Variants in SGCE observed in about 807,000 individuals in gnomAD.
SGCE encodes sarcoglycan epsilon, also known as epsilon-sarcoglycan.
A neutral mutation model predicts 57.8 loss-of-function variants in SGCE; 26 were observed. That is an observed-to-expected ratio of 0.45 (90% CI 0.33 to 0.62). The LOEUF is 0.62. Ranked by LOEUF, SGCE falls within the 20% of genes least tolerant of loss-of-function variation. The pLI, the probability that SGCE is intolerant of heterozygous loss-of-function variation, is 0.02. For synonymous variants in SGCE, 183 were observed against 189.5 expected, an observed-to-expected ratio of 0.97 and a Z score of 0.28; for missense variants, 468 against 548.6, an observed-to-expected ratio of 0.85 and a Z score of 1.47.
Position 94,599,896 on chromosome 7 carries a change from C to T in SGCE, c.1038-173G>A, listed in dbSNP as rs1312717495. The T allele has an allele frequency of 7.0e-6, 4 of 575,106 alleles. No homozygotes were observed. In the Admixed American group the frequency reaches 8.5e-5, roughly 12 times the overall value. The allele number at this position is 575,106 out of a possible 1,614,324, so 35.6% of individuals were successfully genotyped here. A position where few individuals can be genotyped will look rare whatever the true frequency, so the allele number is the denominator to read the frequency against. On this transcript the variant is annotated intron_variant, in intron 7 of 10. Coordinates refer to ENST00000648936, the MANE Select transcript of SGCE (RefSeq NM_003919.3). ...GACATTGCTTGGATGAGTACACATA[C>T]AGCGATGGAATACTGATGAGAAACA... is the stretch of plus-strand genomic sequence containing the variant.
intron 1 of SGCE, among the ~76,000 whole-genome samples, chr7:94,653,780 A>G (rs947491894): frequency 2.1e-4 from 32 of 152,128 alleles, no homozygotes; most frequent in African/African-American, 7.7e-4. Flanking sequence ...AAAAACTACA[A>G]TATGTTAGAA....
In SGCE at chr7:94,585,016, AAAC is replaced by A. The variant is rs1796735211; in HGVS notation, c.*480_*482del. 1 of 155,140 alleles carries A rather than the reference AAAC, an allele frequency of 6.4e-6. No homozygotes were observed. The highest frequency in any genetic ancestry group is 2.4e-5 in the African/African-American group (1 of 41,502). 9.6% of individuals were successfully genotyped at this position (155,140 alleles called of 1,614,324 possible). ...CGAAAACACTCCCAAGTGGTATATAAAACAACAGGATTTACAGGCCACAAGAGT... is the reference window on the plus strand; with the variant it reads ...CGAAAACACTCCCAAGTGGTATATAAAACAGGATTTACAGGCCACAAGAGT... On this transcript the variant is annotated 3_prime_UTR_variant, in exon 11 of 11. Transcript: ENST00000648936.
At chr7:94,603,885 T>G (rs1384582428) in intron 5 of SGCE, among the ~76,000 whole-genome samples, 1 of 152,128 alleles carries the variant, frequency 6.6e-6, no homozygotes, top group African/African-American at 2.4e-5. Context: ...CTTAATTTTC[T>G]TGTAATAAAA....
chr7:94,651,513 C>A (rs551023880), intron 1 of SGCE, among the ~76,000 whole-genome samples: 1 of 152,344 alleles, frequency 6.6e-6, no homozygotes, highest in East Asian at 1.9e-4. Context: ...AATCTGCACA[C>A]CACCTCATAC....
chr7:94,643,776 A>T (rs1384499434), intron 1 of SGCE, among the ~76,000 whole-genome samples: 1 of 152,218 alleles, frequency 6.6e-6, no homozygotes. Flanking sequence ...ACAAGTACAG[A>T]ATACTCATTG....
At chr7:94,643,739 T>C (rs1282133782) in intron 1 of SGCE, among the ~76,000 whole-genome samples, 1 of 152,222 alleles carries the variant, frequency 6.6e-6, no homozygotes, top group African/African-American at 2.4e-5. Flanking sequence ...ACTTCTTGTA[T>C]AGAAAAGTAT....
At chr7:94,639,299 T>A in intron 1 of SGCE, 1 of 1,193,984 alleles carries the variant, frequency 8.4e-7, no homozygotes. Flanking sequence ...AGACATTTAA[T>A]TGGCTCCCCC....
intron 5 of SGCE, chr7:94,618,485 T>C (rs1351933862): frequency 5.7e-6 from 2 of 349,944 alleles, no homozygotes; most frequent in East Asian, 1.1e-4. Flanking sequence ...AATCAGCTTC[T>C]TAATGGAAGG....
intron 3 of SGCE, 185 bp downstream of exon 3, chr7:94,628,017 A>G (rs950642163): frequency 1.9e-6 from 1 of 535,864 alleles, no homozygotes; most frequent in South Asian, 2.8e-5. Context: ...TGAAACAAAA[A>G]CTTTATAAAC....
chr7:94,621,762 A>G (rs1802825676), intron 4 of SGCE: 1 of 152,218 alleles, frequency 6.6e-6, no homozygotes, highest in Non-Finnish European at 1.5e-5. Flanking sequence ...TTCCAATTCT[A>G]CAGGGCCAGC....
chr7:94,591,088 G>A (rs960149789), intron 9 of SGCE, among the ~76,000 whole-genome samples: 2 of 152,156 alleles, frequency 1.3e-5, no homozygotes, highest in East Asian at 3.8e-4. Flanking sequence ...CCTTATCCTT[G>A]TGTAGGCTAG....
chr7:94,653,248 C>T (rs908530240), intron 1 of SGCE, among the ~76,000 whole-genome samples: 1 of 152,058 alleles, frequency 6.6e-6, no homozygotes, highest in Non-Finnish European at 1.5e-5. Context: ...AGTGAAAATC[C>T]CACTTTGTTT....
intron 4 of SGCE, chr7:94,619,281 G>A: frequency 4.9e-6 from 1 of 203,166 alleles, no homozygotes. Context: ...GATCTTTTGG[G>A]GAGCATGCTA....
chr7:94,595,738 G>A (rs1562794588), intron 9 of SGCE, among the ~76,000 whole-genome samples: 1 of 152,096 alleles, frequency 6.6e-6, no homozygotes, highest in Non-Finnish European at 1.5e-5. Flanking sequence ...ATAAAGGACA[G>A]CTATGATGAA....
At chr7:94,592,932 G>C (rs765563062) in intron 9 of SGCE, among the ~76,000 whole-genome samples, 27 of 152,054 alleles carry the variant, frequency 1.8e-4, no homozygotes, top group Non-Finnish European at 3.5e-4. Flanking sequence ...TTAACAATAA[G>C]AAATAGTTAT....
At chr7:94,588,091 A>T (rs1797148060) in intron 10 of SGCE, 4 of 1,223,022 alleles carry the variant, frequency 3.3e-6, no homozygotes, top group Non-Finnish European at 4.1e-6. Context: ...CTCAGTATAG[A>T]GATGAATGAA....
chr7:94,650,079 GCCT>G (rs1265810803), intron 1 of SGCE, among the ~76,000 whole-genome samples: 41 of 152,304 alleles, frequency 2.7e-4, no homozygotes, highest in African/African-American at 9.1e-4. Context: ...AGAAAAATCT[GCCT>G]CAAGACATGT....
At chr7:94,631,198 C>A (rs1166715987) in intron 1 of SGCE, among the ~76,000 whole-genome samples, 1 of 151,942 alleles carries the variant, frequency 6.6e-6, no homozygotes, top group Non-Finnish European at 1.5e-5. Context: ...CAGTACCCAA[C>A]TTCTACTCAA....
Position 94,629,930 on chromosome 7 carries a change from G to A in SGCE, c.110-89C>T, listed in dbSNP as rs867755647. The stretch of plus-strand genomic sequence containing the variant: ...CAGCTTACGCTGTTTATAAAGAGGG[G>A]TCTCACTATGTAGACATTTCTGGAA... On this transcript the variant is annotated intron_variant, in intron 1 of 10. Transcript: ENST00000648936. 3.2e-5 allele frequency: 46 copies of A among 1,456,288 alleles called. No individual in the cohort carries two copies. In the Middle Eastern group the frequency reaches 2.8e-3, roughly 90 times the overall value. 90.2% of individuals were successfully genotyped at this position (1,456,288 alleles called of 1,614,324 possible). A position where few individuals can be genotyped will look rare whatever the true frequency, so the allele number is the denominator to read the frequency against.
Sources: allele counts gnomAD v4.1 joint callset (sites outside exome capture counted in the v4.1 genomes callset), GRCh38; gene constraint gnomAD v4.1.1; transcripts MANE v1.5; gene names NCBI Gene and HGNC (gene_info 2026-07-23, HGNC 2026-07-21).